Variants in TDRD3 observed in about 807,000 individuals in gnomAD.
The protein encoded by TDRD3 is tudor domain-containing protein 3.
TDRD3 carries 45 observed loss-of-function variants against 86.7 expected under a neutral mutation model. The ratio of observed to expected loss-of-function variants is 0.52; its 90% CI spans 0.41 to 0.67. TDRD3 has a LOEUF of 0.67. Among genes scored for constraint, TDRD3 ranks in the 30% least tolerant of loss-of-function variants. The probability of loss-of-function intolerance (pLI) is 0.00; values close to 1 mark genes in which losing one functional copy is unlikely to be tolerated. For missense variants in TDRD3, 814 were observed against 889.0 expected (o/e 0.92, Z 1.07); for synonymous variants, 298 against 301.7 (o/e 0.99, Z 0.13).
chr13:60,407,340 AT>A lies in TDRD3; in HGVS notation c.41+9939del, dbSNP rs371563778. The stretch of plus-strand genomic sequence containing the variant: ...TTAGTTGGTCTTGGTATCATTCATC[AT>A]TTTGCTTTTGTGTCCTCAAGGGACA... On this transcript the variant is annotated intron_variant, in intron 1 of 13. Transcript: ENST00000377881. 3.0e-4 allele frequency among the ~76,000 whole-genome samples: 45 copies of A among 152,266 alleles called. No individual in the cohort carries two copies. The East Asian group carries it at 6.2e-3, about 21-fold the overall frequency.
intron 1 of TDRD3, among the ~76,000 whole-genome samples, chr13:60,432,152 T>C (rs1204881897): frequency 6.6e-6 from 1 of 152,096 alleles, no homozygotes. Flanking sequence ...TAGTACTCAC[T>C]CCTCTGAATT....
At chr13:60,435,628 T>C (rs1235175139) in intron 1 of TDRD3, among the ~76,000 whole-genome samples, 1 of 152,200 alleles carries the variant, frequency 6.6e-6, no homozygotes, top group Non-Finnish European at 1.5e-5. Context: ...TGAGTAGTAT[T>C]CTATGGTGTA....
chr13:60,400,951 A>G (rs9538680), intron 1 of TDRD3, among the ~76,000 whole-genome samples: 22,856 of 152,174 alleles, frequency 0.15, 2,164 homozygotes, highest in South Asian at 0.28. Context: ...AATTTAAATT[A>G]TTGATCAAAA....
At chr13:60,496,287 C>CTATA (rs1956711014) in intron 8 of TDRD3, among the ~76,000 whole-genome samples, 2 of 57,498 alleles carry the variant, frequency 3.5e-5, no homozygotes, top group Non-Finnish European at 3.1e-5. Context: ...TAACAAACTC[C>CTATA]CATATATATA....
At chr13:60,502,313 T>G (rs776039523) in intron 8 of TDRD3, among the ~76,000 whole-genome samples, 3 of 152,202 alleles carry the variant, frequency 2.0e-5, no homozygotes, top group African/African-American at 4.8e-5. Flanking sequence ...TAAGCAGGGT[T>G]AGTCTAAAAT....
At chr13:60,421,242 C>T (rs1954649210) in intron 1 of TDRD3, among the ~76,000 whole-genome samples, 1 of 152,030 alleles carries the variant, frequency 6.6e-6, no homozygotes, top group African/African-American at 2.4e-5. Flanking sequence ...GCTCAGGAGG[C>T]CCCACAATCT....
intron 7 of TDRD3, among the ~76,000 whole-genome samples, chr13:60,492,464 A>G (rs760243777): frequency 6.6e-6 from 1 of 152,190 alleles, no homozygotes. Flanking sequence ...AGTTTTAAAG[A>G]TGAAAAACCT....
intron 1 of TDRD3, among the ~76,000 whole-genome samples, chr13:60,408,483 C>T (rs1397442736): frequency 1.3e-5 from 2 of 152,062 alleles, no homozygotes; most frequent in East Asian, 3.9e-4. Flanking sequence ...AATAGCTTTG[C>T]CCAAAATGCT....
Position 60,424,447 on chromosome 13 carries a change from G to A in TDRD3, c.42-15241G>A, listed in dbSNP as rs146335060. On this transcript the variant is annotated intron_variant, in intron 1 of 13. Coordinates refer to ENST00000377881, the MANE Select transcript of TDRD3 (RefSeq NM_001146070.2). ...AATCCCAGCACTTTGGGAGGCTGAG[G>A]TTGGCGGATCACTTGAGGGAGGAGT... Among the ~76,000 whole-genome samples the A allele has an allele frequency of 4.6e-3, 694 of 152,160 alleles. 5 individuals are homozygous for A. The highest frequency in any genetic ancestry group is 0.016 in the African/African-American group (654 of 41,542).
At chr13:60,542,103 T>C (rs1261178729) in intron 12 of TDRD3, among the ~76,000 whole-genome samples, 1 of 152,176 alleles carries the variant, frequency 6.6e-6, no homozygotes, top group Non-Finnish European at 1.5e-5. Flanking sequence ...CAGGTGATCT[T>C]ATTTTTCCCT....
At chr13:60,557,817 C>CT (rs1958234112) in intron 12 of TDRD3, among the ~76,000 whole-genome samples, 1 of 106,404 alleles carries the variant, frequency 9.4e-6, no homozygotes, top group Non-Finnish European at 2.1e-5. Context: ...TTTTTTTTTC[C>CT]TGATTTTTTT....
intron 12 of TDRD3, chr13:60,547,241 A>G: frequency 1.0e-6 from 1 of 985,462 alleles, no homozygotes; most frequent in Non-Finnish European, 1.2e-6. Flanking sequence ...TCTTGGACCC[A>G]AGGCTGGAAA....
intron 3 of TDRD3, among the ~76,000 whole-genome samples, chr13:60,447,611 G>A (rs539374311): frequency 5.3e-5 from 8 of 152,220 alleles, no homozygotes; most frequent in Non-Finnish European, 1.2e-4. Context: ...ATAAGGTAAG[G>A]CAAATTGGTA....
chr13:60,528,321 CAG>C (rs771926398), intron 10 of TDRD3, 44 bp from the exon 11 acceptor site: 204 of 1,514,870 alleles, frequency 1.3e-4, no homozygotes, highest in East Asian at 6.4e-4. Flanking sequence ...ATTATTAATG[CAG>C]AGTCTTCATC....
chr13:60,510,528 A>G, intron 9 of TDRD3, 102 bp from the exon 10 acceptor site: 4 of 1,188,288 alleles, frequency 3.4e-6, no homozygotes, highest in South Asian at 3.2e-5. Context: ...TATGAAAAGA[A>G]ATTAAAATCC....
intron 1 of TDRD3, among the ~76,000 whole-genome samples, chr13:60,436,405 G>C (rs1220892965): frequency 1.3e-5 from 2 of 152,124 alleles, no homozygotes; most frequent in African/African-American, 2.4e-5. Context: ...CATGATTTCA[G>C]GTCTTAGATT....
chr13:60,541,716 CTTTTTTTTTTTTTT>C (rs71199007), intron 12 of TDRD3, among the ~76,000 whole-genome samples: 26 of 41,034 alleles, frequency 6.3e-4, no homozygotes, highest in Admixed American at 3.6e-3. Flanking sequence ...TCAGCATAGT[CTTTTTTTTTTTTTT>C]TTTTTTTTTT....
At chr13:60,414,711 G>A (rs1253990334) in intron 1 of TDRD3, among the ~76,000 whole-genome samples, 1 of 151,962 alleles carries the variant, frequency 6.6e-6, no homozygotes, top group Non-Finnish European at 1.5e-5. Context: ...ACTTGCAGTG[G>A]GGGCTTTTTG....
At chr13:60,528,317 A>T in intron 10 of TDRD3, 50 bp from the exon 11 acceptor site, 1 of 1,507,000 alleles carries the variant, frequency 6.6e-7, no homozygotes, top group Non-Finnish European at 8.9e-7. Flanking sequence ...AATAATTATT[A>T]ATGCAGAGTC....
Sources: allele counts gnomAD v4.1 joint callset (sites outside exome capture counted in the v4.1 genomes callset), GRCh38; gene constraint gnomAD v4.1.1; transcripts MANE v1.5; gene names NCBI Gene and HGNC (gene_info 2026-07-23, HGNC 2026-07-21).